KIF15: variants seen among roughly 807,000 people sequenced by gnomAD.
KIF15 encodes kinesin-like protein KIF15.
KIF15 carries 140 observed loss-of-function variants against 190.6 expected under a neutral mutation model. The ratio of observed to expected loss-of-function variants is 0.73; its 90% confidence interval spans 0.64 to 0.84. The LOEUF (loss-of-function observed/expected upper bound fraction) is 0.84. Ranked by LOEUF, KIF15 falls within the 40% of genes least tolerant of loss-of-function variation. The probability of loss-of-function intolerance (pLI) is 0.00; values close to 1 mark genes in which losing one functional copy is unlikely to be tolerated. For synonymous variants in KIF15, 528 were observed against 551.3 expected (o/e 0.96, Z 0.59); for missense variants, 1,372 against 1,584.4 (o/e 0.87, Z 2.28).
At chr3:44,860,125 T>C (rs1699224104) in intron 6 of KIF15, among the ~76,000 whole-genome samples, 1 of 152,064 alleles carries the variant, frequency 6.6e-6, no homozygotes, top group Non-Finnish European at 1.5e-5. Context: ...ACAGAGGAGG[T>C]GGCTCTGAGA....
chr3:44,762,422 C>G (rs1485491554), intron 1 of KIF15, among the ~76,000 whole-genome samples: 1 of 152,186 alleles, frequency 6.6e-6, no homozygotes, highest in Non-Finnish European at 1.5e-5. Context: ...TTAAAGGAGA[C>G]CCGTCCGATT....
intron 7 of KIF15, among the ~76,000 whole-genome samples, chr3:44,788,455 C>A (rs1022457909): frequency 6.7e-6 from 1 of 150,182 alleles, no homozygotes; most frequent in Non-Finnish European, 1.5e-5. Context: ...TTCTTTTTTT[C>A]TTTTTCTTTT....
intron 19 of KIF15, 188 bp downstream of exon 19, chr3:44,813,368 C>T: frequency 2.3e-6 from 1 of 436,890 alleles, no homozygotes; most frequent in Non-Finnish European, 4.0e-6. Flanking sequence ...AGGTAAATTT[C>T]TCTATCATTG....
rs986678988 is a variant in KIF15 at position 44,863,036 on chromosome 3, GT to G, written c.*59+10244del. 2.6e-4 allele frequency: 40 copies of G among 152,028 alleles called. 3 individuals carry two copies. Among genetic ancestry groups the G allele is most frequent in the Non-Finnish European group, 2.9e-5 (2 of 68,032 alleles). 9.4% of individuals were successfully genotyped at this position (152,028 alleles called of 1,614,324 possible). A position where few individuals can be genotyped will look rare whatever the true frequency, so the allele number is the denominator to read the frequency against. Reference sequence around the variant, plus strand: ...CATATGCTGCTTTGTGTAAGACAAGGTTGTCCAACTCGCGGCCCAACGCAAA... The same window carrying G: ...CATATGCTGCTTTGTGTAAGACAAGGTGTCCAACTCGCGGCCCAACGCAAA... On this transcript the variant is annotated intron_variant and NMD_transcript_variant, in intron 6 of 6. Transcript: ENST00000422209.
chr3:44,840,319 C>A, intron 27 of KIF15, 36 bp from the exon 28 acceptor site: 2 of 1,278,636 alleles, frequency 1.6e-6, no homozygotes, highest in Non-Finnish European at 2.2e-6. Context: ...CCCCATATTA[C>A]TAAGTTGTAA....
intron 16 of KIF15, among the ~76,000 whole-genome samples, chr3:44,809,511 G>C (rs933825477): frequency 6.6e-6 from 1 of 151,916 alleles, no homozygotes; most frequent in Non-Finnish European, 1.5e-5. Context: ...TGTATCCACT[G>C]TTTTTCTTTT....
chr3:44,801,225 A>G (rs945406418), intron 11 of KIF15, among the ~76,000 whole-genome samples: 1 of 146,894 alleles, frequency 6.8e-6, no homozygotes, highest in Admixed American at 6.9e-5. Context: ...GGGGGGTCTC[A>G]CCATGTTGGC....
chr3:44,767,766 G>T (rs1705460395), intron 1 of KIF15, among the ~76,000 whole-genome samples: 1 of 151,488 alleles, frequency 6.6e-6, no homozygotes, highest in East Asian at 2.0e-4. Flanking sequence ...GTGGTGGCAG[G>T]CCCCTGTAGT....
intron 1 of KIF15, among the ~76,000 whole-genome samples, chr3:44,766,784 A>C (rs1381651318): frequency 7.3e-6 from 1 of 136,374 alleles, no homozygotes; most frequent in East Asian, 2.1e-4. Flanking sequence ...AGAGGCTTTA[A>C]TTTTCTTTTC....
At chr3:44,792,587 C>G (rs560390294) in intron 7 of KIF15, among the ~76,000 whole-genome samples, 52 of 149,348 alleles carry the variant, frequency 3.5e-4, no homozygotes, top group African/African-American at 1.3e-3. Flanking sequence ...GTCTCTGTTG[C>G]CCAGGCTGGA....
chr3:44,784,862 A>G lies in KIF15; in HGVS notation c.379A>G (p.Asn127Asp). 6.5e-7 allele frequency: 1 copy of G among 1,549,778 alleles called. No individual in the cohort carries two copies. Among genetic ancestry groups the G allele is most frequent in the East Asian group, 2.3e-5 (1 of 43,924 alleles). ...TTTTTTAGGACCATCTGAATCTGAT[A>G]ATTTTTCTCATAACCTGAGAGGAGT... The part of the protein sequence containing the change: ...FTMMGPSESD[N>D]FSHNLRGVIP... Residue 127 changes from asparagine to aspartate, a missense_variant, in exon 6 of 35, where the codon AAT (asparagine) becomes GAT (aspartate). Physicochemically the swap from Asn to Asp is conservative, Grantham distance 23 (BLOSUM62 1). Coordinates refer to ENST00000326047, the MANE Select transcript of KIF15 (RefSeq NM_020242.3).
chr3:44,789,691 T>TATATATATATATAA (rs1200236750), intron 7 of KIF15, among the ~76,000 whole-genome samples: 1 of 109,768 alleles, frequency 9.1e-6, no homozygotes, highest in African/African-American at 3.7e-5. Flanking sequence ...TATATATATA[T>TATATATATATATAA]AAAATAGATA....
intron 34 of KIF15, 114 bp downstream of exon 34, chr3:44,852,453 T>C: frequency 9.3e-7 from 1 of 1,077,482 alleles, no homozygotes; most frequent in Non-Finnish European, 1.3e-6. Context: ...TCAGGGAGCT[T>C]CCTGAATTAA....
In KIF15 at chr3:44,853,103, G is replaced by A. The variant is rs1699119214; in HGVS notation, c.*368G>A. The stretch of plus-strand genomic sequence containing the variant: ...TCTTATGGAAGTTCTAACAATATAT[G>A]GTGGTTCCAACACCTGCAGTGAGTT... On this transcript the variant is annotated 3_prime_UTR_variant, in exon 35 of 35. Coordinates refer to ENST00000326047, the MANE Select transcript of KIF15 (RefSeq NM_020242.3). 1 of 157,706 alleles carries A rather than the reference G, an allele frequency of 6.3e-6. No individual in the cohort carries two copies. The highest frequency in any genetic ancestry group is 6.5e-5 in the Admixed American group (1 of 15,426). 9.8% of individuals were successfully genotyped at this position (157,706 alleles called of 1,614,324 possible).
At chr3:44,850,987 C>T (rs768514502) in intron 32 of KIF15, among the ~76,000 whole-genome samples, 1 of 152,126 alleles carries the variant, frequency 6.6e-6, no homozygotes, top group Non-Finnish European at 1.5e-5. Flanking sequence ...GCAGGCCTGG[C>T]ACAGTGGTTC....
In KIF15 at chr3:44,781,026, T is replaced by G. The variant is rs1706137537; in HGVS notation, c.361+104T>G. ...ATAATTTCTATATATGATGTTGATC[T>G]CTTGAAATTAGGGAAATTCCCTAGG... is the stretch of plus-strand genomic sequence containing the variant. On this transcript the variant is annotated intron_variant, in intron 5 of 34. Coordinates refer to ENST00000326047, the MANE Select transcript of KIF15 (RefSeq NM_020242.3). 9.5e-6 allele frequency: 8 copies of G among 846,030 alleles called. 1 individual carries two copies. In the Admixed American group the frequency reaches 1.2e-4, roughly 13 times the overall value. The allele number at this position is 846,030 out of a possible 1,614,324, so 52.4% of individuals were successfully genotyped here. A position where few individuals can be genotyped will look rare whatever the true frequency, so the allele number is the denominator to read the frequency against.
chr3:44,819,984 C>G (rs983344693), intron 20 of KIF15, among the ~76,000 whole-genome samples: 3 of 152,054 alleles, frequency 2.0e-5, no homozygotes, highest in African/African-American at 7.3e-5. Flanking sequence ...GAATTGATCC[C>G]TTTATCATTA....
chr3:44,858,768 A>G (rs1371742870), intron 6 of KIF15, among the ~76,000 whole-genome samples: 3 of 152,232 alleles, frequency 2.0e-5, no homozygotes, highest in African/African-American at 4.8e-5. Context: ...GTCAATACCC[A>G]CAACAGTTAT....
chr3:44,809,561 A>G (rs1213494074), intron 16 of KIF15, among the ~76,000 whole-genome samples: 5 of 152,128 alleles, frequency 3.3e-5, no homozygotes, highest in Non-Finnish European at 4.4e-5. Context: ...AAAAAGTAAT[A>G]CAGCTAGGCA....
Sources: gnomAD v4.1 joint callset for allele counts (sites outside exome capture counted in the v4.1 genomes callset) on GRCh38, gnomAD v4.1.1 for gene constraint, MANE v1.5 for transcripts, NCBI Gene and HGNC (gene_info 2026-07-23, HGNC 2026-07-21) for gene names.